BTG3: variants seen among roughly 807,000 people sequenced by gnomAD.
BTG3 encodes the protein protein BTG3.
Under a neutral mutation model 25.8 loss-of-function variants are expected in BTG3, and 4 were observed. The observed-to-expected ratio is 0.16, with a 90% CI of 0.08 to 0.36. BTG3 has a LOEUF of 0.36. Ranked by LOEUF, BTG3 falls within the 10% of genes least tolerant of loss-of-function variation. The probability of loss-of-function intolerance (pLI) is 1.00; values close to 1 mark genes in which losing one functional copy is unlikely to be tolerated. For synonymous variants in BTG3, 107 were observed against 99.9 expected (o/e 1.07, Z -0.42); for missense variants, 201 against 304.9 (o/e 0.66, Z 2.54).
chr21:17,604,822 C>T, intron 3 of BTG3, 38 bp downstream of exon 3: 1 of 1,592,680 alleles, frequency 6.3e-7, no homozygotes, highest in Non-Finnish European at 8.6e-7. Flanking sequence ...TTAGTTCCAG[C>T]ATGGTCATCA....
rs2061620545 is a variant in BTG3, at chr21:17,604,971, C to G, written c.200G>C (p.Arg67Thr). The G allele has an allele frequency of 1.9e-6, 3 of 1,614,084 alleles. No individual in the cohort carries two copies. The highest frequency in any genetic ancestry group is 2.5e-6 in the Non-Finnish European group (3 of 1,179,976). Residue 67 changes from arginine (R) to threonine (T), a missense_variant, in exon 3 of 5, where the codon AGA (arginine) becomes ACA (threonine). Arg to Thr is a moderately conservative substitution (Grantham distance 71). Coordinates refer to ENST00000348354, the MANE Select transcript of BTG3 (RefSeq NM_006806.5). Reference protein sequence around the residue: ...YRCIRVNKFQRVDPDVLKACE... With the variant: ...YRCIRVNKFQTVDPDVLKACE... ...GGCTTTCAGGACATCAGGATCAACT[C>G]TCTGAAATTTATTGACACGAATACA...
At chr21:17,596,953 T>C (rs1235567580) in intron 4 of BTG3, among the ~76,000 whole-genome samples, 1 of 152,104 alleles carries the variant, frequency 6.6e-6, no homozygotes, top group East Asian at 1.9e-4. Flanking sequence ...GTTGTCCTTA[T>C]TTGATAAAAC....
intron 3 of BTG3, among the ~76,000 whole-genome samples, chr21:17,603,314 C>T (rs564773967): frequency 1.3e-5 from 2 of 152,220 alleles, no homozygotes; most frequent in Non-Finnish European, 2.9e-5. Context: ...TTTTCTCAGA[C>T]CTAAATTTGA....
chr21:17,604,195 C>A (rs762093839), intron 3 of BTG3: 8 of 1,187,504 alleles, frequency 6.7e-6, no homozygotes, highest in Non-Finnish European at 8.8e-6. Flanking sequence ...TGTAATCCAG[C>A]GCTTTGGGAG....
intron 4 of BTG3, 95 bp from the exon 5 acceptor site, chr21:17,594,427 C>T (rs1485593539): frequency 7.2e-7 from 1 of 1,396,354 alleles, no homozygotes; most frequent in African/African-American, 1.5e-5. Flanking sequence ...TTACCCACAA[C>T]ACTGAGATCA....
At chr21:17,599,726 C>G (rs1325663265) in intron 3 of BTG3, among the ~76,000 whole-genome samples, 1 of 152,098 alleles carries the variant, frequency 6.6e-6, no homozygotes, top group Non-Finnish European at 1.5e-5. Context: ...GTGATCCACC[C>G]GCCTCGGCCT....
chr21:17,598,868 G>A (rs1209825529), intron 3 of BTG3, 44 bp from the exon 4 acceptor site: 2 of 1,501,770 alleles, frequency 1.3e-6, no homozygotes, highest in Admixed American at 2.0e-5. Context: ...AGTCACATCA[G>A]CAAAGCAAAA....
chr21:17,600,216 T>G (rs1054779244), intron 3 of BTG3, among the ~76,000 whole-genome samples: 1 of 152,116 alleles, frequency 6.6e-6, no homozygotes, highest in Non-Finnish European at 1.5e-5. Flanking sequence ...TCAGTGGACA[T>G]AGGAGAAATC....
At position 17,594,048 on chromosome 21, in the gene BTG3, T is replaced by C. The variant is rs1035461241; in HGVS notation, c.*45A>G. 5 of 1,592,686 alleles carry C rather than the reference T, an allele frequency of 3.1e-6. No individual in the cohort carries two copies. Among genetic ancestry groups the C allele is most frequent in the Non-Finnish European group, 4.3e-6 (5 of 1,169,232 alleles). On this transcript the variant is annotated 3_prime_UTR_variant, in exon 5 of 5. Transcript: ENST00000348354. ...AACTTTTAATGTGTAGTAAGGTTTATTCTACCTTTTTCTCAACATGACACC... is the reference window on the plus strand; with the variant it reads ...AACTTTTAATGTGTAGTAAGGTTTACTCTACCTTTTTCTCAACATGACACC...
intron 2 of BTG3, 28 bp downstream of exon 2, chr21:17,608,944 C>A: frequency 6.3e-7 from 1 of 1,598,702 alleles, no homozygotes; most frequent in Non-Finnish European, 8.5e-7. Context: ...GTTGATCAGC[C>A]TCTGCTTAAT....
intron 4 of BTG3, among the ~76,000 whole-genome samples, chr21:17,597,257 A>G (rs1377736509): frequency 4.6e-5 from 7 of 152,120 alleles, no homozygotes; most frequent in African/African-American, 1.7e-4. Flanking sequence ...ATTAGCAGCA[A>G]TCAATTTAAT....
At chr21:17,608,281 T>C (rs895039602) in intron 2 of BTG3, among the ~76,000 whole-genome samples, 3 of 152,002 alleles carry the variant, frequency 2.0e-5, no homozygotes, top group Non-Finnish European at 2.9e-5. Flanking sequence ...TCTGAGGCAG[T>C]AGGATTGCTT....
At chr21:17,599,129 AC>A in intron 3 of BTG3, 1 of 274,380 alleles carries the variant, frequency 3.6e-6, no homozygotes, top group South Asian at 7.5e-5. Context: ...TGTTTTGATT[AC>A]ATTTTTGTAT....
intron 3 of BTG3, among the ~76,000 whole-genome samples, chr21:17,602,743 T>C (rs185473255): frequency 6.6e-6 from 1 of 152,328 alleles, no homozygotes; most frequent in East Asian, 1.9e-4. Flanking sequence ...AGTTTTTTCC[T>C]ACCAGGCATC....
chr21:17,607,733 A>C (rs978564493), intron 2 of BTG3, among the ~76,000 whole-genome samples: 4 of 152,224 alleles, frequency 2.6e-5, no homozygotes, highest in Admixed American at 2.6e-4. Context: ...ATATACACAA[A>C]TAAAAGAGTA....
Position 17,600,297 on chromosome 21 carries a change from A to G in BTG3, c.312-1473T>C, listed in dbSNP as rs559454739. ...AATTTCTAGCATCAGGACAAAGGAT[A>G]TTGTTAAGCGGTTCTTACAAAACAC... On this transcript the variant is annotated intron_variant, in intron 3 of 4. Coordinates refer to ENST00000348354, the MANE Select transcript of BTG3 (RefSeq NM_006806.5). Among the ~76,000 whole-genome samples the G allele has an allele frequency of 7.2e-5, 11 of 152,310 alleles. No homozygotes were observed. The South Asian group carries it at 1.9e-3, about 26-fold the overall frequency.
Position 17,594,180 on chromosome 21 carries a change from G to A in BTG3, c.672C>T (p.Arg224=). Residue 224 remains arginine (R), a synonymous_variant, in exon 5 of 5, where the codon CGC becomes CGT. Coordinates refer to ENST00000348354, the MANE Select transcript of BTG3 (RefSeq NM_006806.5). ...PNQGRKNKPY[R]PIPVTWVPPP... is the part of the protein sequence containing the mutation. ...GAGGTACCCATGTCACTGGAATTGG[G>A]CGATATGGTTTATTTTTTCTTCCCT... 1.9e-6 allele frequency: 3 copies of A among 1,613,306 alleles called. No homozygotes were observed. Among genetic ancestry groups the A allele is most frequent in the South Asian group, 1.1e-5 (1 of 91,058 alleles).
At chr21:17,611,977 G>T (rs1418852136) in intron 1 of BTG3, 1 of 152,230 alleles carries the variant, frequency 6.6e-6, no homozygotes, top group East Asian at 1.9e-4. Flanking sequence ...CGACCTCAGC[G>T]GCGCCACAAA....
At chr21:17,604,754 A>G in intron 3 of BTG3, 106 bp downstream of exon 3, 1 of 1,355,342 alleles carries the variant, frequency 7.4e-7, no homozygotes, top group Non-Finnish European at 9.8e-7. Flanking sequence ...GAGTTAAACC[A>G]CCAGCTCCTG....
Sources: gnomAD v4.1 joint callset for allele counts (sites outside exome capture counted in the v4.1 genomes callset) on GRCh38, gnomAD v4.1.1 for gene constraint, MANE v1.5 for transcripts, NCBI Gene and HGNC (gene_info 2026-07-23, HGNC 2026-07-21) for gene names.